The following MEIKIN variants were observed in gnomAD, a reference collection of about 807,000 sequenced individuals.
The protein encoded by MEIKIN is meiotic kinetochore factor, also known as meiosis-specific kinetochore protein.
rs534900638 is a variant in MEIKIN at position 131,815,166 on chromosome 5, C to G, written c.1099+3574G>C. On this transcript the variant is annotated intron_variant, in intron 12 of 12. Coordinates refer to ENST00000442687, the MANE Select transcript of MEIKIN (RefSeq NM_001303622.2). ...GCTTCTGATCAAGGAACTCACGTCACAGCAAAAGAATTTCAGTATGAGTCA... is the reference window on the plus strand; with the variant it reads ...GCTTCTGATCAAGGAACTCACGTCAGAGCAAAAGAATTTCAGTATGAGTCA... Among the ~76,000 whole-genome samples, 92 of 152,268 alleles carry G rather than the reference C, an allele frequency of 6.0e-4. 1 individual carries two copies. The highest frequency in any genetic ancestry group is 2.1e-3 in the African/African-American group (89 of 41,560).
chr5:131,899,961 T>TTTGTCTAATTCA (rs1336013885), intron 8 of MEIKIN, among the ~76,000 whole-genome samples: 1 of 152,224 alleles, frequency 6.6e-6, no homozygotes. Context: ...CACTTATTCA[T>TTTGTCTAATTCA]TTGTCTTCAA....
At chr5:131,900,779 C>A (rs1014760730) in intron 8 of MEIKIN, among the ~76,000 whole-genome samples, 1 of 152,118 alleles carries the variant, frequency 6.6e-6, no homozygotes, top group Non-Finnish European at 1.5e-5. Flanking sequence ...GGGGTGCCTC[C>A]TGGGAGAGCA....
chr5:131,828,369 C>T (rs868416952), intron 11 of MEIKIN, among the ~76,000 whole-genome samples: 1 of 151,994 alleles, frequency 6.6e-6, no homozygotes, highest in African/African-American at 2.4e-5. Context: ...CACCATGTTG[C>T]CCAGGCTGGT....
chr5:131,824,501 C>G (rs566818142), intron 11 of MEIKIN, among the ~76,000 whole-genome samples: 45 of 152,040 alleles, frequency 3.0e-4, no homozygotes, highest in African/African-American at 1.0e-3. Context: ...GCCTAAGTAA[C>G]AGAGAGAGAC....
chr5:131,860,280 GTT>G (rs79369868), intron 9 of MEIKIN, among the ~76,000 whole-genome samples: 12 of 100,620 alleles, frequency 1.2e-4, no homozygotes, highest in African/African-American at 2.5e-4. Context: ...TTTATGCCTA[GTT>G]TTTTTTTTTT....
At chr5:131,899,756 A>C (rs911839763) in intron 8 of MEIKIN, among the ~76,000 whole-genome samples, 1 of 152,206 alleles carries the variant, frequency 6.6e-6, no homozygotes, top group African/African-American at 2.4e-5. Context: ...GGGTCAATTC[A>C]GCAAGAAGAT....
At position 131,834,848 on chromosome 5, in the gene MEIKIN, T is replaced by A. The variant is rs539044001; in HGVS notation, c.976-15985A>T. On this transcript the variant is annotated intron_variant, in intron 11 of 12. Coordinates refer to ENST00000442687, the MANE Select transcript of MEIKIN (RefSeq NM_001303622.2). ...AAAGTTGAAATTACTGGAACCTATA[T>A]TTTTAATTTTTTGAGGAACCCCCAT... Among the ~76,000 whole-genome samples, 175 of 152,294 alleles carry A rather than the reference T, an allele frequency of 1.1e-3. 1 individual carries two copies. Among genetic ancestry groups the A allele is most frequent in the Middle Eastern group, 0.01 (3 of 294 alleles).
intron 8 of MEIKIN, among the ~76,000 whole-genome samples, chr5:131,909,435 A>C (rs1205706126): frequency 6.6e-6 from 1 of 152,186 alleles, no homozygotes. Flanking sequence ...TTAAAAACTT[A>C]AATCTAAGAC....
intron 11 of MEIKIN, among the ~76,000 whole-genome samples, chr5:131,835,694 C>T (rs777185720): frequency 2.6e-5 from 4 of 152,188 alleles, no homozygotes; most frequent in East Asian, 1.9e-4. Flanking sequence ...CCCGAGTTCA[C>T]GCCATTCTCC....
intron 11 of MEIKIN, among the ~76,000 whole-genome samples, chr5:131,843,230 G>A (rs1277518685): frequency 6.6e-6 from 1 of 152,246 alleles, no homozygotes; most frequent in Non-Finnish European, 1.5e-5. Flanking sequence ...GATGGGAGGG[G>A]CTGTTGTGAA....
At chr5:131,871,885 C>T (rs1290123482) in intron 9 of MEIKIN, among the ~76,000 whole-genome samples, 1 of 152,154 alleles carries the variant, frequency 6.6e-6, no homozygotes, top group Admixed American at 6.5e-5. Context: ...CCCAGGCAAA[C>T]AGGGTCTGGA....
At chr5:131,914,383 C>CA (rs373552501) in intron 7 of MEIKIN, among the ~76,000 whole-genome samples, 2,226 of 92,370 alleles carry the variant, frequency 0.024, 34 homozygotes, top group Non-Finnish European at 0.037. Context: ...GACTCTGTCT[C>CA]AAAAAAAAAA....
chr5:131,930,564 GCTCA>G (rs764375151), intron 5 of MEIKIN, among the ~76,000 whole-genome samples: 3 of 152,154 alleles, frequency 2.0e-5, no homozygotes, highest in Non-Finnish European at 4.4e-5. Context: ...CTGTCCTCAA[GCTCA>G]CTAATTCTTT....
chr5:131,809,045 A>G (rs1345213168), intron 12 of MEIKIN, among the ~76,000 whole-genome samples: 2 of 142,972 alleles, frequency 1.4e-5, no homozygotes, highest in Admixed American at 7.2e-5. Flanking sequence ...CATGGGCGAC[A>G]GAGCAACACT....
At chr5:131,881,868 T>C (rs1750707232) in intron 8 of MEIKIN, among the ~76,000 whole-genome samples, 1 of 152,194 alleles carries the variant, frequency 6.6e-6, no homozygotes, top group African/African-American at 2.4e-5. Context: ...TCTTGAACTT[T>C]ATATATATGA....
intron 9 of MEIKIN, among the ~76,000 whole-genome samples, chr5:131,875,960 G>T (rs573470786): frequency 5.3e-4 from 81 of 152,286 alleles, no homozygotes; most frequent in African/African-American, 1.7e-3. Flanking sequence ...AGCTGAAAAT[G>T]GATCCCTTCC....
intron 8 of MEIKIN, among the ~76,000 whole-genome samples, chr5:131,890,633 G>C (rs1368106771): frequency 1.3e-5 from 2 of 152,048 alleles, no homozygotes; most frequent in Admixed American, 1.3e-4. Flanking sequence ...CTTGCTAGTG[G>C]TCTATCAATT....
At chr5:131,893,646 A>T (rs1750979772) in intron 8 of MEIKIN, among the ~76,000 whole-genome samples, 2 of 152,126 alleles carry the variant, frequency 1.3e-5, no homozygotes, top group Non-Finnish European at 2.9e-5. Context: ...CGGTACCTCA[A>T]TTGGAAATGG....
intron 9 of MEIKIN, among the ~76,000 whole-genome samples, chr5:131,871,476 G>C (rs1485457652): frequency 6.6e-6 from 1 of 152,214 alleles, no homozygotes; most frequent in Non-Finnish European, 1.5e-5. Flanking sequence ...CCCGAGTCTT[G>C]ATTAGGTAAA....
Sources: gnomAD v4.1 joint callset for allele counts (sites outside exome capture counted in the v4.1 genomes callset) on GRCh38, gnomAD v4.1.1 for gene constraint, MANE v1.5 for transcripts, NCBI Gene and HGNC (gene_info 2026-07-23, HGNC 2026-07-21) for gene names.